RALGAPB: variants seen among roughly 807,000 people sequenced by gnomAD.
RALGAPB encodes the protein Ral GTPase activating protein non-catalytic subunit beta.
RALGAPB carries 25 observed loss-of-function variants against 161.1 expected under a neutral mutation model. The observed-to-expected ratio is 0.16, with a 90% CI of 0.11 to 0.22. RALGAPB has a LOEUF of 0.22. Among genes scored for constraint, RALGAPB ranks in the 10% least tolerant of loss-of-function variants. RALGAPB has a pLI of 1.00. For missense variants in RALGAPB, 1,391 were observed against 1,815.2 expected (o/e 0.77, Z 4.25); for synonymous variants, 629 against 626.1 (o/e 1.00, Z -0.07).
chr20:38,570,233 C>T (rs956108313), intron 27 of RALGAPB, among the ~76,000 whole-genome samples: 2 of 152,112 alleles, frequency 1.3e-5, no homozygotes, highest in Non-Finnish European at 2.9e-5. Flanking sequence ...CCAGTAGATA[C>T]AAAGCTTTTG....
rs908646832 is a variant in RALGAPB, at chr20:38,530,477, A to G, written c.2051-690A>G. Among the ~76,000 whole-genome samples, 12 of 151,864 alleles carry G rather than the reference A, an allele frequency of 7.9e-5. No individual in the cohort carries two copies. In the South Asian group the frequency reaches 1.3e-3, roughly 16 times the overall value. On this transcript the variant is annotated intron_variant, in intron 13 of 29. Coordinates refer to ENST00000262879, the MANE Select transcript of RALGAPB (RefSeq NM_020336.4). ...TGCTTTGTTGCCCACTCTGGTCTCAAACTCCTAGGACTTCAAGCAATCCTG... is the reference window on the plus strand; with the variant it reads ...TGCTTTGTTGCCCACTCTGGTCTCAGACTCCTAGGACTTCAAGCAATCCTG...
chr20:38,573,703 C>T (rs2088327771), intron 28 of RALGAPB: 1 of 152,312 alleles, frequency 6.6e-6, no homozygotes, highest in African/African-American at 2.4e-5. Flanking sequence ...TCCTGCTTCT[C>T]CTCTGGGATT....
intron 6 of RALGAPB, among the ~76,000 whole-genome samples, chr20:38,510,707 G>A (rs1600897037): frequency 8.3e-6 from 1 of 120,804 alleles, no homozygotes; most frequent in Non-Finnish European, 1.5e-5. Context: ...TCAGGAGATC[G>A]AGACCATCCC....
chr20:38,491,333 CT>C (rs34536415), intron 2 of RALGAPB, among the ~76,000 whole-genome samples: 7,543 of 147,532 alleles, frequency 0.051, 247 homozygotes, highest in Non-Finnish European at 0.075. Context: ...CACTGTTTTT[CT>C]TTTTTTTTTT....
chr20:38,519,838 T>G (rs2123107054), intron 9 of RALGAPB, among the ~76,000 whole-genome samples: 1 of 152,344 alleles, frequency 6.6e-6, no homozygotes, highest in Middle Eastern at 3.4e-3. Context: ...CAAGGAATTC[T>G]GCCATGCAGT....
In RALGAPB at chr20:38,526,054, C is replaced by A; in HGVS notation, c.2050+12C>A. On this transcript the variant is annotated intron_variant, in intron 13 of 29. Coordinates refer to ENST00000262879, the MANE Select transcript of RALGAPB (RefSeq NM_020336.4). ...CCAAATGATATTAGGTTTGTATTCA[C>A]ACGTTATTTTGTAAGTGAAACCAAA... 1.2e-6 allele frequency: 2 copies of A among 1,613,160 alleles called. No homozygotes were observed. Among genetic ancestry groups the A allele is most frequent in the African/African-American group, 2.7e-5 (2 of 74,994 alleles).
At position 38,513,157 on chromosome 20, in the gene RALGAPB, T is replaced by C. The variant is rs534349813; in HGVS notation, c.873-3035T>C. On this transcript the variant is annotated intron_variant, in intron 6 of 29. Coordinates refer to ENST00000262879, the MANE Select transcript of RALGAPB (RefSeq NM_020336.4). ...CCAACGCGGGTAGATCACCCAAGCTTAGGAGTTCGAGACCAGCCTGGGCAA... is the reference window on the plus strand; with the variant it reads ...CCAACGCGGGTAGATCACCCAAGCTCAGGAGTTCGAGACCAGCCTGGGCAA... Among the ~76,000 whole-genome samples, 4 of 151,636 alleles carry C rather than the reference T, an allele frequency of 2.6e-5. No homozygotes were observed. The East Asian group carries it at 5.9e-4, about 22-fold the overall frequency.
intron 18 of RALGAPB, 56 bp downstream of exon 18, chr20:38,541,248 A>T (rs2086954608): frequency 2.7e-6 from 4 of 1,507,922 alleles, no homozygotes; most frequent in Admixed American, 1.9e-5. Flanking sequence ...GTTAGCAGTG[A>T]TCCATGTTGT....
rs1234997634 is a variant in RALGAPB at position 38,524,932 on chromosome 20, A to G, written c.1774A>G (p.Ile592Val). 1 of 1,609,064 alleles carries G rather than the reference A, an allele frequency of 6.2e-7. No individual in the cohort carries two copies. The highest frequency in any genetic ancestry group is 1.1e-5 in the South Asian group (1 of 90,960). ...VPYFISALET[I>V]LPDRELSKFK... ...TTACTTTATTTCAGCTCTTGAAACC[A>G]TTTTGCCTGACAGGTAAGCTATCAT... The change falls in exon 11 of 30, where the codon ATT (isoleucine) becomes GTT (valine). Residue 592 changes from isoleucine to valine, a missense_variant. Coordinates refer to ENST00000262879, the MANE Select transcript of RALGAPB (RefSeq NM_020336.4).
intron 6 of RALGAPB, among the ~76,000 whole-genome samples, chr20:38,511,719 T>C (rs2085961513): frequency 6.6e-6 from 1 of 152,244 alleles, no homozygotes; most frequent in Admixed American, 6.5e-5. Flanking sequence ...TGGAGTCTCC[T>C]ATGTCTACTT....
At chr20:38,555,272 C>T (rs1166724893) in intron 22 of RALGAPB, among the ~76,000 whole-genome samples, 1 of 152,172 alleles carries the variant, frequency 6.6e-6, no homozygotes, top group Non-Finnish European at 1.5e-5. Context: ...TTGTCCCTTG[C>T]CCTTACTGCC....
chr20:38,559,511 A>G (rs2087714007), intron 23 of RALGAPB, among the ~76,000 whole-genome samples: 2 of 152,344 alleles, frequency 1.3e-5, no homozygotes, highest in East Asian at 1.9e-4. Flanking sequence ...CCTGGCCAAC[A>G]TGGTGGAACC....
Position 38,499,646 on chromosome 20 carries a change from C to T in RALGAPB, c.740+13C>T, listed in dbSNP as rs1207079894. The T allele has an allele frequency of 6.2e-7, 1 of 1,601,316 alleles. No individual in the cohort carries two copies. The highest frequency in any genetic ancestry group is 8.5e-7 in the Non-Finnish European group (1 of 1,174,002). On this transcript the variant is annotated intron_variant, in intron 5 of 29. Transcript: ENST00000262879. ...CACTCACTTCCAGGTAGGTTATTGT[C>T]ATTGCCCTGCCTTCCTTCACCTGTC...
At chr20:38,480,385 CTTTT>C (rs71189925) in intron 1 of RALGAPB, among the ~76,000 whole-genome samples, 1 of 128,764 alleles carries the variant, frequency 7.8e-6, no homozygotes, top group South Asian at 2.4e-4. Context: ...TTCTTTCTTT[CTTTT>C]TTTTTTTTTT....
intron 13 of RALGAPB, 37 bp downstream of exon 13, chr20:38,526,079 A>G (rs2086457482): frequency 6.2e-7 from 1 of 1,608,992 alleles, no homozygotes; most frequent in African/African-American, 1.3e-5. Flanking sequence ...GTGAAACCAA[A>G]GTACTGTTGA....
At chr20:38,560,104 A>C (rs943997933) in intron 23 of RALGAPB, among the ~76,000 whole-genome samples, 3 of 143,170 alleles carry the variant, frequency 2.1e-5, no homozygotes, top group Non-Finnish European at 4.4e-5. Context: ...ATTTATGAGA[A>C]AGTTTTTTTT....
At chr20:38,491,461 A>C (rs145912834) in intron 2 of RALGAPB, among the ~76,000 whole-genome samples, 296 of 152,232 alleles carry the variant, frequency 1.9e-3, no homozygotes, top group African/African-American at 6.8e-3. Context: ...ACCAGTTGTA[A>C]ATCTAGCCAT....
At chr20:38,504,271 T>C (rs1050324461) in intron 5 of RALGAPB, among the ~76,000 whole-genome samples, 1 of 151,926 alleles carries the variant, frequency 6.6e-6, no homozygotes, top group Non-Finnish European at 1.5e-5. Flanking sequence ...AACCCAGAAG[T>C]AAAGCTGCAT....
At chr20:38,554,160 G>T in intron 22 of RALGAPB, 84 bp downstream of exon 22, 1 of 1,176,170 alleles carries the variant, frequency 8.5e-7, no homozygotes, top group Non-Finnish European at 1.2e-6. Flanking sequence ...TATCAGGATA[G>T]AAGCGAATTA....
Sources: gnomAD v4.1 joint callset for allele counts (sites outside exome capture counted in the v4.1 genomes callset) on GRCh38, gnomAD v4.1.1 for gene constraint, MANE v1.5 for transcripts, NCBI Gene and HGNC (gene_info 2026-07-23, HGNC 2026-07-21) for gene names.